The following EPC1 variants were observed in gnomAD, a reference collection of about 807,000 sequenced individuals.
EPC1 encodes the protein enhancer of polycomb 1, also known as enhancer of polycomb homolog 1.
EPC1 carries 12 observed loss-of-function variants against 98.4 expected under a neutral mutation model. The observed-to-expected ratio is 0.12, with a 90% CI of 0.08 to 0.20. EPC1 has a LOEUF of 0.20. Ranked by LOEUF, EPC1 falls within the 10% of genes least tolerant of loss-of-function variation. The probability of loss-of-function intolerance (pLI) is 1.00; values close to 1 mark genes in which losing one functional copy is unlikely to be tolerated. For synonymous variants in EPC1, 357 were observed against 363.9 expected, an observed-to-expected ratio of 0.98 and a Z score of 0.21; for missense variants, 729 against 990.5, an observed-to-expected ratio of 0.74 and a Z score of 3.54.
intron 1 of EPC1, among the ~76,000 whole-genome samples, chr10:32,309,730 C>T (rs1423383976): frequency 6.8e-6 from 1 of 148,118 alleles, no homozygotes; most frequent in Admixed American, 6.8e-5. Context: ...ACAATGTAGC[C>T]TCATACTGCA....
upstream of EPC1, among the ~76,000 whole-genome samples, chr10:32,350,028 T>G (rs1839066475): frequency 6.6e-6 from 1 of 152,252 alleles, no homozygotes; most frequent in Admixed American, 6.5e-5. Flanking sequence ...AAATGGTTAA[T>G]CCTGTACTTT....
chr10:32,344,613 C>G (rs1838627930), intron 1 of EPC1, among the ~76,000 whole-genome samples: 1 of 152,098 alleles, frequency 6.6e-6, no homozygotes, highest in South Asian at 2.1e-4. Flanking sequence ...TGGCAAAACC[C>G]CGTCTCTGTT....
At chr10:32,371,357 T>C (rs558368938) in intron 1 of EPC1, among the ~76,000 whole-genome samples, 1 of 152,180 alleles carries the variant, frequency 6.6e-6, no homozygotes, top group Non-Finnish European at 1.5e-5. Flanking sequence ...ATGGATACTA[T>C]GTCCTACTAG....
upstream of EPC1, among the ~76,000 whole-genome samples, chr10:32,348,387 A>G (rs904004674): frequency 1.3e-5 from 2 of 152,172 alleles, no homozygotes; most frequent in Non-Finnish European, 2.9e-5. Flanking sequence ...AACAAGATAC[A>G]AAAAGATACA....
chr10:32,347,758 G>GCTA (rs1838953174), upstream of EPC1, among the ~76,000 whole-genome samples: 1 of 152,242 alleles, frequency 6.6e-6, no homozygotes, highest in Admixed American at 6.5e-5. Context: ...AGGGGCAGAT[G>GCTA]CTACTTTGAG....
chr10:32,363,459 A>G (rs1839502618), intron 1 of EPC1, among the ~76,000 whole-genome samples: 2 of 152,034 alleles, frequency 1.3e-5, no homozygotes, highest in South Asian at 2.1e-4. Context: ...ATCCTGAGCC[A>G]GGTTCTAATT....
intron 1 of EPC1, among the ~76,000 whole-genome samples, chr10:32,341,506 A>T (rs1411425096): frequency 6.6e-6 from 1 of 152,214 alleles, no homozygotes; most frequent in Non-Finnish European, 1.5e-5. Flanking sequence ...TCGTTTACAA[A>T]ATTTAAGCTA....
At chr10:32,307,083 C>G (rs965412705) in intron 1 of EPC1, among the ~76,000 whole-genome samples, 3 of 152,074 alleles carry the variant, frequency 2.0e-5, no homozygotes, top group African/African-American at 7.2e-5. Context: ...TTATCCCTAG[C>G]TTTGGTTTGC....
intron 1 of EPC1, among the ~76,000 whole-genome samples, chr10:32,307,992 G>A (rs1003755729): frequency 1.3e-5 from 2 of 152,182 alleles, no homozygotes; most frequent in African/African-American, 4.8e-5. Context: ...TCCTGGTGAT[G>A]CCTTTAGAAC....
At chr10:32,288,269 T>C (rs888097361) in intron 6 of EPC1, among the ~76,000 whole-genome samples, 21 of 151,876 alleles carry the variant, frequency 1.4e-4, no homozygotes, top group Non-Finnish European at 2.1e-4. Context: ...AGCTGTCAGC[T>C]AGGGCAGTGC....
chr10:32,285,188 T>TA (rs1836614693), intron 9 of EPC1, 138 bp from the exon 10 acceptor site: 2 of 635,404 alleles, frequency 3.1e-6, no homozygotes, highest in Non-Finnish European at 5.2e-6. Context: ...TTGATTATTT[T>TA]AGTGTTTGGT....
At chr10:32,331,487 G>A (rs1163891909) in intron 1 of EPC1, among the ~76,000 whole-genome samples, 1 of 151,552 alleles carries the variant, frequency 6.6e-6, no homozygotes, top group Non-Finnish European at 1.5e-5. Flanking sequence ...TAAAATAACT[G>A]GTTTTGATTT....
At chr10:32,292,459 A>T in intron 5 of EPC1, 37 bp downstream of exon 5, 1 of 1,444,242 alleles carries the variant, frequency 6.9e-7, no homozygotes. Flanking sequence ...TGTTAATGGC[A>T]CTATACTTCC....
At chr10:32,301,309 A>G (rs1385030585) in intron 2 of EPC1, among the ~76,000 whole-genome samples, 2 of 152,212 alleles carry the variant, frequency 1.3e-5, no homozygotes, top group Non-Finnish European at 2.9e-5. Context: ...AGTGTCAAAC[A>G]TTGTGTTCAT....
chr10:32,338,591 G>T (rs1004240356), intron 1 of EPC1, among the ~76,000 whole-genome samples: 41 of 152,058 alleles, frequency 2.7e-4, no homozygotes, highest in African/African-American at 8.9e-4. Flanking sequence ...TGCTCACTCT[G>T]CTCTGAGTAC....
At chr10:32,305,187 C>T (rs1194921980) in intron 2 of EPC1, among the ~76,000 whole-genome samples, 2 of 152,240 alleles carry the variant, frequency 1.3e-5, no homozygotes, top group Non-Finnish European at 2.9e-5. Context: ...AAATTAGCAT[C>T]ACTCTACTAG....
rs756959063 is a variant in EPC1, at chr10:32,346,901, C to T, written c.15G>A (p.Ser5=). MSKL[S]FRARALDASK... ...AGGCGTCTAGCGCCCGCGCCCGAAA[C>T]GACAGTTTACTCATCTCAGGCGCAG... Residue 5 remains serine (S), a synonymous_variant, in exon 1 of 14, where the codon TCG becomes TCA. Transcript: ENST00000319778. 6.8e-6 allele frequency: 11 copies of T among 1,613,962 alleles called. No homozygotes were observed. In the South Asian group the frequency reaches 7.7e-5, roughly 11 times the overall value.
At chr10:32,305,501 GT>G (rs55988267) in intron 2 of EPC1, among the ~76,000 whole-genome samples, 91,791 of 146,772 alleles carry the variant, frequency 0.63, 31,729 homozygotes, top group East Asian at 0.95. Context: ...CTATATCTGA[GT>G]TTTTTTTTTT....
intron 1 of EPC1, 24 bp downstream of exon 1, chr10:32,346,739 T>A: frequency 6.2e-7 from 1 of 1,605,302 alleles, no homozygotes; most frequent in East Asian, 2.3e-5. Flanking sequence ...TGACGGTGGG[T>A]CGGACAGGGG....
Sources: allele counts gnomAD v4.1 joint callset (sites outside exome capture counted in the v4.1 genomes callset), GRCh38; gene constraint gnomAD v4.1.1; transcripts MANE v1.5; gene names NCBI Gene and HGNC (gene_info 2026-07-23, HGNC 2026-07-21).